ZBTB8A: variants seen among roughly 807,000 people sequenced by gnomAD.
The protein encoded by ZBTB8A is zinc finger and BTB domain-containing protein 8A.
Under a neutral mutation model 37.8 loss-of-function variants are expected in ZBTB8A, and 19 were observed. That is an observed-to-expected ratio of 0.50 (90% CI 0.35 to 0.74). The LOEUF (loss-of-function observed/expected upper bound fraction) is 0.74. Among genes scored for constraint, ZBTB8A ranks in the 30% least tolerant of loss-of-function variants. The pLI, the probability that ZBTB8A is intolerant of heterozygous loss-of-function variation, is 0.01. For synonymous variants in ZBTB8A, 181 were observed against 185.2 expected (o/e 0.98, Z 0.19); for missense variants, 394 against 537.8 (o/e 0.73, Z 2.65).
chr1:32,557,005 A>G (rs1272416164), intron 2 of ZBTB8A, among the ~76,000 whole-genome samples: 1 of 152,136 alleles, frequency 6.6e-6, no homozygotes, highest in Non-Finnish European at 1.5e-5. Flanking sequence ...TCAAGGGTGA[A>G]AGGGAAGGGG....
At chr1:32,596,271 G>T (rs1467516828) in intron 4 of ZBTB8A, among the ~76,000 whole-genome samples, 1 of 152,014 alleles carries the variant, frequency 6.6e-6, no homozygotes, top group Non-Finnish European at 1.5e-5. Context: ...TCAGGAGGCT[G>T]AGGCAGGAGA....
At chr1:32,584,016 C>A (rs190377717) in intron 2 of ZBTB8A, among the ~76,000 whole-genome samples, 2 of 152,166 alleles carry the variant, frequency 1.3e-5, no homozygotes, top group East Asian at 3.9e-4. Flanking sequence ...CCTCGGCCTC[C>A]CAAAGTGCTG....
intron 2 of ZBTB8A, among the ~76,000 whole-genome samples, chr1:32,568,147 T>C (rs1461460221): frequency 6.6e-6 from 1 of 152,046 alleles, no homozygotes; most frequent in Non-Finnish European, 1.5e-5. Context: ...AGACTCTGTC[T>C]AGAGAAAAAA....
intron 2 of ZBTB8A, among the ~76,000 whole-genome samples, chr1:32,554,709 C>T (rs1180465148): frequency 1.3e-5 from 2 of 151,970 alleles, no homozygotes; most frequent in East Asian, 1.9e-4. Context: ...GAACTCCTGA[C>T]CTCAGGTGAT....
At position 32,593,246 on chromosome 1, in the gene ZBTB8A, T is replaced by G; in HGVS notation, c.315T>G (p.Leu105=). ...AAGTGATGTCGGCTGCTAGCTTCCT[T>G]CAGATGACTGATGTCATAAGTGTAT... The part of the protein sequence containing the change: ...VIEVMSAASF[L]QMTDVISVCK... The change falls in exon 3 of 5, where the codon CTT becomes CTG. Residue 105 remains leucine, a synonymous_variant. Coordinates refer to ENST00000373510, the MANE Select transcript of ZBTB8A (RefSeq NM_001040441.3). 1.2e-6 allele frequency: 2 copies of G among 1,614,162 alleles called. No individual in the cohort carries two copies. Among genetic ancestry groups the G allele is most frequent in the Non-Finnish European group, 8.5e-7 (1 of 1,180,036 alleles).
intron 2 of ZBTB8A, among the ~76,000 whole-genome samples, chr1:32,568,576 C>T (rs1644302418): frequency 6.6e-6 from 1 of 152,004 alleles, no homozygotes; most frequent in East Asian, 1.9e-4. Flanking sequence ...TTAGTAGAGA[C>T]GGGGTTTCAC....
At chr1:32,543,369 G>C (rs2148209946) in intron 1 of ZBTB8A, among the ~76,000 whole-genome samples, 1 of 152,290 alleles carries the variant, frequency 6.6e-6, no homozygotes, top group African/African-American at 2.4e-5. Flanking sequence ...ACAGGTGTGA[G>C]CCACTGCGCC....
chr1:32,580,458 C>T (rs933769720), intron 2 of ZBTB8A, among the ~76,000 whole-genome samples: 3 of 150,824 alleles, frequency 2.0e-5, no homozygotes, highest in African/African-American at 7.3e-5. Context: ...GCTTGAGGCA[C>T]GAGAATTGCT....
intron 2 of ZBTB8A, among the ~76,000 whole-genome samples, chr1:32,567,393 A>G (rs1322532987): frequency 1.3e-5 from 2 of 152,146 alleles, no homozygotes; most frequent in Non-Finnish European, 2.9e-5. Flanking sequence ...AAACCATATC[A>G]GGGATCTTCT....
chr1:32,563,467 T>G (rs1178765514), intron 2 of ZBTB8A, among the ~76,000 whole-genome samples: 1 of 152,146 alleles, frequency 6.6e-6, no homozygotes, highest in Admixed American at 6.6e-5. Flanking sequence ...TTCTTTCTTT[T>G]TTTTCTTTTT....
intron 3 of ZBTB8A, among the ~76,000 whole-genome samples, chr1:32,594,765 C>CA (rs199637697): frequency 0.031 from 3,035 of 97,594 alleles, 32 homozygotes; most frequent in Non-Finnish European, 0.036. Context: ...AACTCTATCT[C>CA]AAAAAAAAAA....
intron 2 of ZBTB8A, among the ~76,000 whole-genome samples, chr1:32,567,126 G>A (rs967082648): frequency 6.6e-6 from 1 of 152,128 alleles, no homozygotes; most frequent in East Asian, 1.9e-4. Flanking sequence ...AGCATGACTG[G>A]GCAGGCCTCA....
At position 32,604,835 on chromosome 1, in the gene ZBTB8A, A is replaced by C. The variant is rs1026532579; in HGVS notation, c.*4416A>C. ...CTAAAATTAATAAGTATGGAAAATC[A>C]CTAAAAGCAGTGTAGGATAAGGTGT... On this transcript the variant is annotated 3_prime_UTR_variant, in exon 5 of 5. Coordinates refer to ENST00000373510, the MANE Select transcript of ZBTB8A (RefSeq NM_001040441.3). 8.5e-5 allele frequency: 13 copies of C among 152,104 alleles called. No homozygotes were observed. The highest frequency in any genetic ancestry group is 5.2e-4 in the Admixed American group (8 of 15,252). 9.4% of individuals were successfully genotyped at this position (152,104 alleles called of 1,614,324 possible).
intron 2 of ZBTB8A, among the ~76,000 whole-genome samples, chr1:32,565,138 C>T (rs1161525637): frequency 9.2e-5 from 14 of 151,980 alleles, no homozygotes; most frequent in Non-Finnish European, 5.9e-5. Context: ...GAGACTGCCT[C>T]GGTAAGGTGG....
chr1:32,567,791 CA>C (rs1214976482), intron 2 of ZBTB8A, among the ~76,000 whole-genome samples: 7 of 6,436 alleles, frequency 1.1e-3, no homozygotes, highest in African/African-American at 1.6e-3. Context: ...GATTCTGTCT[CA>C]AAAAAAAAAA....
chr1:32,567,996 G>T (rs1203309178), intron 2 of ZBTB8A, among the ~76,000 whole-genome samples: 4 of 151,158 alleles, frequency 2.6e-5, no homozygotes, highest in South Asian at 2.1e-4. Flanking sequence ...AAAAAAATTA[G>T]CCAAGTGTGG....
intron 2 of ZBTB8A, among the ~76,000 whole-genome samples, chr1:32,575,479 C>T (rs756988844): frequency 2.6e-5 from 4 of 151,762 alleles, no homozygotes; most frequent in Admixed American, 6.6e-5. Context: ...CCCGCCTCAG[C>T]CTCCCAAAGT....
rs1553175181 is a variant in ZBTB8A, at chr1:32,539,848, A to AGGCGGCGGCGGGAAGGCGGCGGG, written c.-84+278_-84+300dup. 1.7e-3 allele frequency among the ~76,000 whole-genome samples: 76 copies of AGGCGGCGGCGGGAAGGCGGCGGG among 44,486 alleles called. 1 individual carries two copies. The highest frequency in any genetic ancestry group is 0.02 in the Middle Eastern group (1 of 50). The allele number at this position is 44,486 out of a possible 152,430, so 29.2% of individuals were successfully genotyped here. ...CGGGAAGGCGCGCGGAGCCTCCTGGAGGCGGCGGCGGGAAGGCGGCGGGGA... is the reference window on the plus strand; with the variant it reads ...CGGGAAGGCGCGCGGAGCCTCCTGGAGGCGGCGGCGGGAAGGCGGCGGGGGCGGCGGCGGGAAGGCGGCGGGGA... On this transcript the variant is annotated intron_variant, in intron 1 of 4. Transcript: ENST00000373510.
At chr1:32,549,443 A>G (rs1644133361) in intron 1 of ZBTB8A, among the ~76,000 whole-genome samples, 1 of 151,790 alleles carries the variant, frequency 6.6e-6, no homozygotes, top group Non-Finnish European at 1.5e-5. Context: ...GCGGTGAGCC[A>G]AGATCACACC....
Sources: allele counts gnomAD v4.1 joint callset (sites outside exome capture counted in the v4.1 genomes callset), GRCh38; gene constraint gnomAD v4.1.1; transcripts MANE v1.5; gene names NCBI Gene and HGNC (gene_info 2026-07-23, HGNC 2026-07-21).